Variants in TENM3 observed in about 807,000 individuals in gnomAD.
TENM3 encodes the protein teneurin transmembrane protein 3.
In TENM3, 63 loss-of-function variants were observed where a neutral mutation model predicts 255.1. The observed-to-expected ratio is 0.25, with a 90% CI of 0.20 to 0.30. The LOEUF (loss-of-function observed/expected upper bound fraction) is 0.30, where lower values mean the gene tolerates loss of function less well. Ranked by LOEUF, TENM3 falls within the 10% of genes least tolerant of loss-of-function variation. The pLI, the probability that TENM3 is intolerant of heterozygous loss-of-function variation, is 1.00. For missense variants in TENM3, 2,929 were observed against 3,461.1 expected (o/e 0.85, Z 3.86); for synonymous variants, 1,306 against 1,322.3 (o/e 0.99, Z 0.27).
chr4:181,861,178 G>T, the TENM3 span, among the ~76,000 whole-genome samples: 1 of 152,102 alleles, frequency 6.6e-6, no homozygotes, highest in African/African-American at 2.4e-5. Flanking sequence ...TATTCTTTGT[G>T]ATCATCTACA....
the TENM3 span, among the ~76,000 whole-genome samples, chr4:181,777,683 AT>A: frequency 1.0e-3 from 158 of 152,258 alleles, no homozygotes; most frequent in African/African-American, 3.6e-3. Flanking sequence ...GCTGATTCCT[AT>A]TGCTAATGTA....
At chr4:181,461,022 A>T in the TENM3 span, among the ~76,000 whole-genome samples, 2 of 152,040 alleles carry the variant, frequency 1.3e-5, no homozygotes, top group Admixed American at 1.3e-4. Context: ...TTGCTTGATA[A>T]GCATCTTTTA....
chr4:182,100,804 TATACACATATATATACAC>T, the TENM3 span, among the ~76,000 whole-genome samples: 5 of 1,896 alleles, frequency 2.6e-3, 1 homozygote, highest in South Asian at 0.1. Context: ...TACACATATA[TATACACATATATATACAC>T]ATATATATAT....
At chr4:182,205,496 C>T (rs182295921) in intron 1 of TENM3, among the ~76,000 whole-genome samples, 3 of 152,276 alleles carry the variant, frequency 2.0e-5, no homozygotes, top group African/African-American at 7.2e-5. Flanking sequence ...TCACCACTAA[C>T]GTATTTCCTC....
the TENM3 span, among the ~76,000 whole-genome samples, chr4:182,023,199 C>T: frequency 2.0e-5 from 3 of 152,082 alleles, no homozygotes; most frequent in Non-Finnish European, 2.9e-5. Flanking sequence ...CTCTTTTAAA[C>T]TTTCTTTTTT....
At chr4:181,804,935 T>A in the TENM3 span, among the ~76,000 whole-genome samples, 1 of 152,062 alleles carries the variant, frequency 6.6e-6, no homozygotes, top group African/African-American at 2.4e-5. Context: ...CCCTCCCCAA[T>A]TCCCTGCCTC....
At chr4:181,902,099 G>A in the TENM3 span, among the ~76,000 whole-genome samples, 1 of 116,314 alleles carries the variant, frequency 8.6e-6, no homozygotes, top group African/African-American at 3.4e-5. Flanking sequence ...AGAGGTAAAT[G>A]CGTGTGCATG....
At chr4:181,545,776 G>A in the TENM3 span, among the ~76,000 whole-genome samples, 4 of 152,116 alleles carry the variant, frequency 2.6e-5, no homozygotes, top group Non-Finnish European at 4.4e-5. Context: ...TTCAGCATGT[G>A]TAAATCTATT....
chr4:182,742,452 A>G (rs1351417300), intron 18 of TENM3, among the ~76,000 whole-genome samples: 1 of 152,192 alleles, frequency 6.6e-6, no homozygotes, highest in Non-Finnish European at 1.5e-5. Flanking sequence ...GCATTCTCCT[A>G]TTGGATGAGA....
At chr4:181,888,516 G>GTGTATATATATA in the TENM3 span, among the ~76,000 whole-genome samples, 6 of 41,510 alleles carry the variant, frequency 1.4e-4, 1 homozygote, top group African/African-American at 1.8e-4. Flanking sequence ...ATATATATAT[G>GTGTATATATATA]TATATATATA....
intron 1 of TENM3, among the ~76,000 whole-genome samples, chr4:182,300,542 G>A (rs922842616): frequency 5.3e-5 from 8 of 152,142 alleles, no homozygotes; most frequent in East Asian, 1.9e-4. Context: ...ACCTGGTGAC[G>A]GCTTGTGCCT....
At chr4:182,240,790 C>T (rs1757203623), upstream of TENM3, among the ~76,000 whole-genome samples, 1 of 152,118 alleles carries the variant, frequency 6.6e-6, no homozygotes, top group Non-Finnish European at 1.5e-5. Context: ...CAGTAAGGGC[C>T]TGGGATGGAA....
the TENM3 span, among the ~76,000 whole-genome samples, chr4:181,468,484 A>C: frequency 3.3e-5 from 5 of 152,182 alleles, no homozygotes; most frequent in African/African-American, 4.8e-5. Context: ...TATCATCCTC[A>C]GATAGGAATT....
At chr4:181,636,681 C>G in the TENM3 span, among the ~76,000 whole-genome samples, 1 of 152,196 alleles carries the variant, frequency 6.6e-6, no homozygotes, top group African/African-American at 2.4e-5. Context: ...TCAGTGCAAG[C>G]GCCCATCGTG....
chr4:182,161,643 A>ATATATACACAAATATATATG (rs1751209069), intron 1 of TENM3, among the ~76,000 whole-genome samples: 1 of 114,818 alleles, frequency 8.7e-6, no homozygotes, highest in Non-Finnish European at 1.7e-5. Context: ...ATATATGTAT[A>ATATATACACAAATATATATG]TATATATATA....
At chr4:182,222,237 G>A (rs1364593209) in intron 1 of TENM3, among the ~76,000 whole-genome samples, 3 of 152,202 alleles carry the variant, frequency 2.0e-5, no homozygotes, top group South Asian at 2.1e-4. Flanking sequence ...AGACTGTGGT[G>A]TAAACCAACC....
the TENM3 span, among the ~76,000 whole-genome samples, chr4:181,926,760 C>T: frequency 6.6e-6 from 1 of 151,986 alleles, no homozygotes; most frequent in African/African-American, 2.4e-5. Flanking sequence ...CTGCAGCTCC[C>T]AGGAAGATCA....
chr4:182,298,833 C>T (rs56414510), intron 1 of TENM3, among the ~76,000 whole-genome samples: 17,673 of 150,734 alleles, frequency 0.12, 1,245 homozygotes, highest in Middle Eastern at 0.27. Context: ...ATTAGCCGGG[C>T]GTGATGGCGC....
the TENM3 span, among the ~76,000 whole-genome samples, chr4:182,014,180 A>G: frequency 3.8e-3 from 569 of 148,116 alleles, 20 homozygotes; most frequent in South Asian, 0.062. Flanking sequence ...ACATATATAT[A>G]TGTGTGTGTA....
Sources: gnomAD v4.1 joint callset for allele counts (sites outside exome capture counted in the v4.1 genomes callset) on GRCh38, gnomAD v4.1.1 for gene constraint, MANE v1.5 for transcripts, NCBI Gene and HGNC (gene_info 2026-07-23, HGNC 2026-07-21) for gene names.